Variants in DPP10 observed in about 807,000 individuals in gnomAD.
DPP10 encodes the protein dipeptidyl peptidase like 10, also known as inactive dipeptidyl peptidase 10.
DPP10 carries 33 observed loss-of-function variants against 120.9 expected under a neutral mutation model. The observed-to-expected ratio is 0.27, with a 90% CI of 0.21 to 0.37. The LOEUF (loss-of-function observed/expected upper bound fraction) is 0.37. DPP10 is among the 10% of genes least tolerant of loss of function. The pLI is 1.00. For missense variants in DPP10, 816 were observed against 942.8 expected, an observed-to-expected ratio of 0.87 and a Z score of 1.76; for synonymous variants, 337 against 326.1, an observed-to-expected ratio of 1.03 and a Z score of -0.36.
At chr2:114,541,558 A>G (rs1686956787) in intron 1 of DPP10, among the ~76,000 whole-genome samples, 2 of 152,216 alleles carry the variant, frequency 1.3e-5, no homozygotes, top group Non-Finnish European at 2.9e-5. Flanking sequence ...CAGATATTTG[A>G]GTAATTGCAG....
chr2:115,396,053 C>A (rs1040121179), intron 3 of DPP10, among the ~76,000 whole-genome samples: 1 of 152,092 alleles, frequency 6.6e-6, no homozygotes, highest in Non-Finnish European at 1.5e-5. Flanking sequence ...TACTTTATAA[C>A]CCTCTAGACT....
intron 3 of DPP10, among the ~76,000 whole-genome samples, chr2:115,389,294 C>CAG (rs1043228336): frequency 2.0e-5 from 3 of 151,690 alleles, no homozygotes; most frequent in African/African-American, 7.3e-5. Flanking sequence ...CACACACACA[C>CAG]ACACACTCAT....
rs563741353 is a variant in DPP10 at position 114,755,370 on chromosome 2, T to G, written c.60+312532T>G. Among the ~76,000 whole-genome samples the G allele has an allele frequency of 3.3e-5, 5 of 152,336 alleles. No homozygotes were observed. In the South Asian group the frequency reaches 1.0e-3, roughly 32 times the overall value. On this transcript the variant is annotated intron_variant, in intron 1 of 25. Transcript: ENST00000410059. ...GTGCAATGGCACAATCATGGCTTACTGCAAACTCATCCTCCTGGGCTCAAG... is the reference window on the plus strand; with the variant it reads ...GTGCAATGGCACAATCATGGCTTACGGCAAACTCATCCTCCTGGGCTCAAG...
Position 115,166,600 on chromosome 2 carries a change from TTTA to T in DPP10, c.61-142635_61-142633del, listed in dbSNP as rs1483879939. Among the ~76,000 whole-genome samples, 11 of 118,218 alleles carry T rather than the reference TTTA, an allele frequency of 9.3e-5. No individual in the cohort carries two copies. In the East Asian group the frequency reaches 2.2e-3, roughly 23 times the overall value. The allele number at this position is 118,218 out of a possible 152,430, so 77.6% of individuals were successfully genotyped here. ...TAAATATTATATATAAGGCATTTTG[TTTA>T]TTAAGAACATACAACAAATATCTCT... On this transcript the variant is annotated intron_variant, in intron 1 of 25. Transcript: ENST00000410059.
chr2:114,995,521 C>A (rs1248012774), intron 1 of DPP10, among the ~76,000 whole-genome samples: 1 of 152,182 alleles, frequency 6.6e-6, no homozygotes, highest in African/African-American at 2.4e-5. Flanking sequence ...TTGAGAACTG[C>A]ATAACCTCTT....
At chr2:115,069,573 A>G (rs1162446516) in intron 1 of DPP10, among the ~76,000 whole-genome samples, 1 of 152,120 alleles carries the variant, frequency 6.6e-6, no homozygotes, top group Non-Finnish European at 1.5e-5. Flanking sequence ...TTTTACCCTC[A>G]GTAATCTCAA....
At chr2:115,043,575 A>G (rs141759743) in intron 1 of DPP10, among the ~76,000 whole-genome samples, 2,494 of 152,310 alleles carry the variant, frequency 0.016, 53 homozygotes, top group African/African-American at 0.047. Flanking sequence ...TTCATTACTC[A>G]GGGATTGACC....
At chr2:115,744,905 C>G (rs1677754235) in intron 9 of DPP10, among the ~76,000 whole-genome samples, 1 of 150,242 alleles carries the variant, frequency 6.7e-6, no homozygotes, top group Admixed American at 7.1e-5. Flanking sequence ...ATGTGGACTT[C>G]TTTAAGCATC....
At chr2:115,585,487 T>A (rs1167475294) in intron 5 of DPP10, among the ~76,000 whole-genome samples, 1 of 152,252 alleles carries the variant, frequency 6.6e-6, no homozygotes, top group Non-Finnish European at 1.5e-5. Context: ...AACACTGCAG[T>A]TTCTTAAATG....
chr2:115,138,280 G>C (rs528189722), intron 1 of DPP10, among the ~76,000 whole-genome samples: 3 of 152,110 alleles, frequency 2.0e-5, no homozygotes, highest in Non-Finnish European at 4.4e-5. Context: ...GGGGTTCATA[G>C]ATTATTTGGT....
At chr2:115,557,452 A>T (rs2080288198) in intron 5 of DPP10, among the ~76,000 whole-genome samples, 1 of 152,164 alleles carries the variant, frequency 6.6e-6, no homozygotes, top group Non-Finnish European at 1.5e-5. Context: ...TTTCTTCATC[A>T]AGAACCCTAC....
At chr2:114,537,379 G>T (rs980636419) in intron 1 of DPP10, among the ~76,000 whole-genome samples, 64 of 149,562 alleles carry the variant, frequency 4.3e-4, no homozygotes, top group Non-Finnish European at 6.7e-4. Context: ...CATTCAGAAA[G>T]AAAAAAAAAC....
At chr2:115,351,969 T>A (rs1297194458) in intron 3 of DPP10, among the ~76,000 whole-genome samples, 3 of 152,062 alleles carry the variant, frequency 2.0e-5, no homozygotes, top group Non-Finnish European at 2.9e-5. Flanking sequence ...GGAATTTAAA[T>A]CTAAATAGTT....
intron 1 of DPP10, among the ~76,000 whole-genome samples, chr2:115,301,060 G>A (rs994599438): frequency 2.6e-5 from 4 of 151,982 alleles, no homozygotes; most frequent in Non-Finnish European, 5.9e-5. Flanking sequence ...GGGCCTGTGT[G>A]TGTGGTGTTC....
rs548257615 is a variant in DPP10, at chr2:115,366,796, G to A, written c.271+22884G>A. On this transcript the variant is annotated intron_variant, in intron 3 of 25. Coordinates refer to ENST00000410059, the MANE Select transcript of DPP10 (RefSeq NM_020868.6). ...ATCAAATTCCAACTGTTGCATTCCT[G>A]TAATAATTGATATTGTGTCTTTACT... 4.6e-5 allele frequency among the ~76,000 whole-genome samples: 7 copies of A among 152,100 alleles called. No individual in the cohort carries two copies. The South Asian group carries it at 1.5e-3, about 32-fold the overall frequency.
chr2:114,991,302 G>C (rs374035194), intron 1 of DPP10, among the ~76,000 whole-genome samples: 3 of 152,076 alleles, frequency 2.0e-5, no homozygotes, highest in Admixed American at 6.6e-5. Context: ...GAGAAAGGTA[G>C]AGTGTTCAGG....
intron 3 of DPP10, among the ~76,000 whole-genome samples, chr2:115,346,969 A>G (rs1286851987): frequency 6.6e-6 from 1 of 152,080 alleles, no homozygotes; most frequent in Admixed American, 6.6e-5. Context: ...TGACAATCTC[A>G]TTTTAACAGA....
chr2:114,553,219 C>T lies in DPP10; in HGVS notation c.60+110381C>T, dbSNP rs78744539. On this transcript the variant is annotated intron_variant, in intron 1 of 25. Transcript: ENST00000410059. ...ATGCCGGTCTGCCTTATGTGGCATT[C>T]GTCTCTTCCTCTTGCCAGGCTGGGC... Among the ~76,000 whole-genome samples the T allele has an allele frequency of 4.7e-4, 71 of 152,332 alleles. No homozygotes were observed. In the East Asian group the frequency reaches 0.01, roughly 22 times the overall value.
At chr2:114,736,468 C>T (rs530194013) in intron 1 of DPP10, among the ~76,000 whole-genome samples, 1 of 152,048 alleles carries the variant, frequency 6.6e-6, no homozygotes, top group African/African-American at 2.4e-5. Context: ...GTTGATTAGT[C>T]AAGTAAACAT....
Sources: gnomAD v4.1 joint callset for allele counts (sites outside exome capture counted in the v4.1 genomes callset) on GRCh38, gnomAD v4.1.1 for gene constraint, MANE v1.5 for transcripts, NCBI Gene and HGNC (gene_info 2026-07-23, HGNC 2026-07-21) for gene names.